The following PTPRD variants were observed in gnomAD, a reference collection of about 807,000 sequenced individuals.
PTPRD encodes receptor-type tyrosine-protein phosphatase delta.
PTPRD carries 34 observed loss-of-function variants against 214.5 expected under a neutral mutation model. That is an observed-to-expected ratio of 0.16 (90% CI 0.12 to 0.21). PTPRD has a LOEUF of 0.21. Ranked by LOEUF, PTPRD falls within the 10% of genes least tolerant of loss-of-function variation. PTPRD has a pLI of 1.00. For synonymous variants in PTPRD, 1,128 were observed against 845.7 expected (o/e 1.33, Z -5.79); for missense variants, 2,545 against 2,398.7 (o/e 1.06, Z -1.27).
chr9:8,708,970 AT>A (rs1431424357), intron 12 of PTPRD, among the ~76,000 whole-genome samples: 4 of 152,160 alleles, frequency 2.6e-5, no homozygotes, highest in African/African-American at 9.7e-5. Flanking sequence ...TCTGGAGACC[AT>A]TATGGCAAGT....
intron 9 of PTPRD, among the ~76,000 whole-genome samples, chr9:9,184,416 C>T (rs1272331411): frequency 3.3e-5 from 5 of 151,910 alleles, no homozygotes; most frequent in Non-Finnish European, 7.4e-5. Flanking sequence ...GGTTAAATCC[C>T]TAAGGACCTA....
At chr9:10,143,485 A>G (rs2099001433) in intron 3 of PTPRD, among the ~76,000 whole-genome samples, 1 of 152,032 alleles carries the variant, frequency 6.6e-6, no homozygotes. Flanking sequence ...TTCAACCACC[A>G]TGGAGAGCAG....
intron 3 of PTPRD, among the ~76,000 whole-genome samples, chr9:10,133,864 T>A (rs2098921599): frequency 6.6e-6 from 1 of 152,100 alleles, no homozygotes; most frequent in Non-Finnish European, 1.5e-5. Flanking sequence ...TGTTATGTGA[T>A]TTTTTGTTGT....
At chr9:8,454,467 C>T in intron 33 of PTPRD, 2 of 1,032,048 alleles carry the variant, frequency 1.9e-6, no homozygotes, top group Admixed American at 2.1e-5. Flanking sequence ...CTTCCACGTG[C>T]CAGGTATTAT....
At chr9:9,718,127 A>G (rs942632485) in intron 7 of PTPRD, among the ~76,000 whole-genome samples, 1 of 152,214 alleles carries the variant, frequency 6.6e-6, no homozygotes, top group African/African-American at 2.4e-5. Context: ...TAGTTTATCA[A>G]GAAATAGACA....
intron 11 of PTPRD, among the ~76,000 whole-genome samples, chr9:8,806,092 T>G (rs2154520751): frequency 6.6e-6 from 1 of 151,454 alleles, no homozygotes; most frequent in African/African-American, 2.4e-5. Flanking sequence ...CCCAGCTAAT[T>G]TTTTGTATTT....
At chr9:8,405,908 A>G (rs1276494240) in intron 35 of PTPRD, among the ~76,000 whole-genome samples, 1 of 152,206 alleles carries the variant, frequency 6.6e-6, no homozygotes, top group Non-Finnish European at 1.5e-5. Context: ...CAAAAGGCAC[A>G]GAATTTATCA....
At chr9:9,752,341 T>C (rs2098528680) in intron 6 of PTPRD, among the ~76,000 whole-genome samples, 1 of 152,078 alleles carries the variant, frequency 6.6e-6, no homozygotes, top group South Asian at 2.1e-4. Flanking sequence ...AATGGTATCA[T>C]GGAACAACAT....
At chr9:9,992,064 G>C (rs1198610138) in intron 4 of PTPRD, among the ~76,000 whole-genome samples, 2 of 152,262 alleles carry the variant, frequency 1.3e-5, no homozygotes, top group Non-Finnish European at 2.9e-5. Flanking sequence ...TTAGAAAGTA[G>C]ATTCGTGATT....
At chr9:10,028,352 C>G (rs1359056547) in intron 4 of PTPRD, among the ~76,000 whole-genome samples, 1 of 152,010 alleles carries the variant, frequency 6.6e-6, no homozygotes, top group Non-Finnish European at 1.5e-5. Context: ...TAAATTGGTA[C>G]CAGTAGAGTG....
intron 14 of PTPRD, among the ~76,000 whole-genome samples, chr9:8,535,323 G>A (rs964353021): frequency 6.6e-6 from 1 of 151,828 alleles, no homozygotes; most frequent in Non-Finnish European, 1.5e-5. Context: ...AAAAACAGGG[G>A]TTATCTAGAC....
intron 2 of PTPRD, among the ~76,000 whole-genome samples, chr9:10,478,613 T>C (rs1481390876): frequency 6.6e-6 from 1 of 152,162 alleles, no homozygotes; most frequent in Non-Finnish European, 1.5e-5. Context: ...TTTGTCTGAT[T>C]TCTTTTCCAG....
At chr9:8,605,350 T>C (rs2095142522) in intron 14 of PTPRD, among the ~76,000 whole-genome samples, 1 of 152,202 alleles carries the variant, frequency 6.6e-6, no homozygotes, top group Non-Finnish European at 1.5e-5. Context: ...TATCATAGTT[T>C]TGCCTGCTCT....
intron 36 of PTPRD, among the ~76,000 whole-genome samples, chr9:8,399,026 A>G (rs1426687008): frequency 6.6e-6 from 1 of 151,870 alleles, no homozygotes; most frequent in Non-Finnish European, 1.5e-5. Flanking sequence ...TCATGGATAA[A>G]ACCATTTAAA....
intron 2 of PTPRD, among the ~76,000 whole-genome samples, chr9:10,408,675 CTCT>C (rs2098402426): frequency 6.6e-6 from 1 of 151,664 alleles, no homozygotes. Flanking sequence ...GCAGGCATGA[CTCT>C]TCTTTGCATG....
intron 2 of PTPRD, among the ~76,000 whole-genome samples, chr9:10,366,794 G>A (rs980075942): frequency 3.9e-5 from 6 of 152,054 alleles, no homozygotes; most frequent in Admixed American, 1.3e-4. Flanking sequence ...ACATACATAC[G>A]TGCACTAAAA....
At chr9:10,263,694 T>A (rs1012255297) in intron 3 of PTPRD, among the ~76,000 whole-genome samples, 4 of 152,148 alleles carry the variant, frequency 2.6e-5, no homozygotes, top group African/African-American at 9.7e-5. Context: ...GCAAAATCCA[T>A]TTTCTGGGGA....
intron 8 of PTPRD, among the ~76,000 whole-genome samples, chr9:9,455,814 A>T (rs756545990): frequency 6.6e-6 from 1 of 151,862 alleles, no homozygotes; most frequent in African/African-American, 2.4e-5. Flanking sequence ...AGTTTTTCAT[A>T]AAGTTCAAAC....
chr9:9,419,835 CTT>C (rs2078139575), intron 8 of PTPRD, among the ~76,000 whole-genome samples: 1 of 151,578 alleles, frequency 6.6e-6, no homozygotes. Flanking sequence ...ATATTAAACA[CTT>C]AATATCATAT....
Sources: gnomAD v4.1 joint callset for allele counts (sites outside exome capture counted in the v4.1 genomes callset) on GRCh38, gnomAD v4.1.1 for gene constraint, MANE v1.5 for transcripts, NCBI Gene and HGNC (gene_info 2026-07-23, HGNC 2026-07-21) for gene names.